Variants in RIMBP2 observed in about 807,000 individuals in gnomAD.
RIMBP2 encodes RIMS binding protein 2.
A neutral mutation model predicts 118.6 loss-of-function variants in RIMBP2; 48 were observed. That is an observed-to-expected ratio of 0.40 (90% CI 0.32 to 0.51). The LOEUF (loss-of-function observed/expected upper bound fraction) is 0.51. Ranked by LOEUF, RIMBP2 falls within the 20% of genes least tolerant of loss-of-function variation. The probability of loss-of-function intolerance (pLI) is 0.41; values close to 1 mark genes in which losing one functional copy is unlikely to be tolerated. For synonymous variants in RIMBP2, 762 were observed against 742.9 expected, an observed-to-expected ratio of 1.03 and a Z score of -0.42; for missense variants, 1,551 against 1,768.3, an observed-to-expected ratio of 0.88 and a Z score of 2.20.
At chr12:130,553,213 T>C (rs1376642198) in intron 2 of RIMBP2, among the ~76,000 whole-genome samples, 2 of 148,596 alleles carry the variant, frequency 1.3e-5, no homozygotes, top group African/African-American at 2.5e-5. Flanking sequence ...AGGGAAAACA[T>C]GGAGGAAAGG....
rs549822827 is a variant in RIMBP2 at position 130,558,692 on chromosome 12, G to A, written c.-216-40775C>T. Among the ~76,000 whole-genome samples the A allele has an allele frequency of 9.8e-5, 15 of 152,318 alleles. No individual in the cohort carries two copies. The East Asian group carries it at 2.7e-3, about 27-fold the overall frequency. ...CAGTCAGAGGCCAGGCGGCCCCCTT[G>A]AGAAGGGCTGGTCCCAGCAGCGCAT... On this transcript the variant is annotated intron_variant, in intron 2 of 22. Coordinates refer to ENST00000690449, the MANE Select transcript of RIMBP2 (RefSeq NM_001393629.1).
At chr12:130,554,174 C>T (rs894592796) in intron 2 of RIMBP2, among the ~76,000 whole-genome samples, 1 of 152,150 alleles carries the variant, frequency 6.6e-6, no homozygotes, top group Non-Finnish European at 1.5e-5. Flanking sequence ...ACAGGAATCC[C>T]GACTTCAATT....
At chr12:130,443,843 T>C (rs1004617980) in intron 10 of RIMBP2, among the ~76,000 whole-genome samples, 8 of 152,214 alleles carry the variant, frequency 5.3e-5, no homozygotes, top group Non-Finnish European at 1.2e-4. Context: ...TGATAGCTAC[T>C]ATTTATTGAA....
At chr12:130,690,780 A>C (rs1160657516) in intron 1 of RIMBP2, among the ~76,000 whole-genome samples, 2 of 152,204 alleles carry the variant, frequency 1.3e-5, no homozygotes, top group African/African-American at 4.8e-5. Context: ...ATGATTTCAC[A>C]CATCAGGAGC....
rs1333603266 is a variant in RIMBP2, at chr12:130,688,530, A to G, written c.-352+27692T>C. Among the ~76,000 whole-genome samples, 1 of 152,048 alleles carries G rather than the reference A, an allele frequency of 6.6e-6. No individual in the cohort carries two copies. The highest frequency in any genetic ancestry group is 2.4e-5 in the African/African-American group (1 of 41,356). ...CATGTGACCAAGAGCTCCCCCAAGCATGAGTCGTCTTCACCCCTCCATCCG... is the reference window on the plus strand; with the variant it reads ...CATGTGACCAAGAGCTCCCCCAAGCGTGAGTCGTCTTCACCCCTCCATCCG... On this transcript the variant is annotated intron_variant, in intron 1 of 22. Coordinates refer to ENST00000690449, the MANE Select transcript of RIMBP2 (RefSeq NM_001393629.1). The surrounding 1 kb of genome is among the most constrained non-coding windows in gnomAD (Gnocchi z 4.7).
chr12:130,453,116 CA>C (rs1404696472), intron 7 of RIMBP2, among the ~76,000 whole-genome samples: 1 of 152,222 alleles, frequency 6.6e-6, no homozygotes, highest in African/African-American at 2.4e-5. Flanking sequence ...ACCCAGCTCC[CA>C]TACTGGAAGG....
chr12:130,441,744 G>A (rs1191092555), intron 11 of RIMBP2, 104 bp downstream of exon 11: 1 of 995,842 alleles, frequency 1.0e-6, no homozygotes, highest in Non-Finnish European at 1.5e-6. Flanking sequence ...ATGTTGTCAG[G>A]ATGGGGATTC....
At chr12:130,548,288 CTAATTTCTCATCTT>C (rs1316604454) in intron 2 of RIMBP2, among the ~76,000 whole-genome samples, 1 of 152,162 alleles carries the variant, frequency 6.6e-6, no homozygotes, top group African/African-American at 2.4e-5. Flanking sequence ...CCGTATCTCT[CTAATTTCTCATCTT>C]CCCCTTTGCC....
chr12:130,423,490 C>A (rs936691346), intron 16 of RIMBP2, among the ~76,000 whole-genome samples: 1 of 151,960 alleles, frequency 6.6e-6, no homozygotes, highest in Non-Finnish European at 1.5e-5. Flanking sequence ...AAAGAGGACA[C>A]AATATAGAGA....
In RIMBP2 at chr12:130,622,014, A is replaced by G. The variant is rs758850804; in HGVS notation, c.-217+6308T>C. On this transcript the variant is annotated intron_variant, in intron 2 of 22. Coordinates refer to ENST00000690449, the MANE Select transcript of RIMBP2 (RefSeq NM_001393629.1). This position sits in a 1 kb window ranked among gnomAD's most constrained non-coding sequence, Gnocchi z 8.5. ...CTTTAAAAAATAATAACAGAACAAA[A>G]TGAAACCAACAAAATGGAATTTAAA... is the stretch of plus-strand genomic sequence containing the variant. 2.0e-5 allele frequency among the ~76,000 whole-genome samples: 3 copies of G among 152,234 alleles called. No individual in the cohort carries two copies. The highest frequency in any genetic ancestry group is 4.4e-5 in the Non-Finnish European group (3 of 68,028).
At chr12:130,611,339 C>G (rs1462274049) in intron 2 of RIMBP2, among the ~76,000 whole-genome samples, 1 of 152,260 alleles carries the variant, frequency 6.6e-6, no homozygotes, top group Non-Finnish European at 1.5e-5. Flanking sequence ...TGATTGACGT[C>G]CCTCCCGTAA....
chr12:130,641,712 G>T (rs1350951638), intron 1 of RIMBP2, among the ~76,000 whole-genome samples: 1 of 152,164 alleles, frequency 6.6e-6, no homozygotes, highest in African/African-American at 2.4e-5. Context: ...AGGTGGCCGT[G>T]CTGAGAGCAC....
At chr12:130,530,336 C>A (rs1353482468) in intron 2 of RIMBP2, among the ~76,000 whole-genome samples, 1 of 152,182 alleles carries the variant, frequency 6.6e-6, no homozygotes, top group African/African-American at 2.4e-5. Flanking sequence ...GAACTAAACC[C>A]CTGCACAAAA....
At chr12:130,654,282 T>G (rs2136291750) in intron 1 of RIMBP2, among the ~76,000 whole-genome samples, 1 of 152,336 alleles carries the variant, frequency 6.6e-6, no homozygotes, top group South Asian at 2.1e-4. Context: ...CTTGAATGCT[T>G]TGCTTCTTAG....
intron 21 of RIMBP2, among the ~76,000 whole-genome samples, chr12:130,400,815 C>T (rs1419714824): frequency 1.3e-5 from 2 of 152,164 alleles, no homozygotes; most frequent in Non-Finnish European, 2.9e-5. Flanking sequence ...ATTCAGGTGG[C>T]CAGCAGGCAC....
At chr12:130,478,845 C>A in intron 5 of RIMBP2, 67 bp downstream of exon 5, 1 of 1,219,546 alleles carries the variant, frequency 8.2e-7, no homozygotes, top group Non-Finnish European at 1.2e-6. Context: ...CTCCACCACA[C>A]CAGGGATCCC....
intron 2 of RIMBP2, among the ~76,000 whole-genome samples, chr12:130,618,943 C>T (rs1366137272): frequency 6.6e-6 from 1 of 152,108 alleles, no homozygotes; most frequent in Non-Finnish European, 1.5e-5. Context: ...TCTGTCCAGA[C>T]TTTCATCACA....
chr12:130,422,684 CTGAAAGG>C lies in RIMBP2; in HGVS notation c.3130-130_3130-124del, dbSNP rs1320451824. 1.5e-6 allele frequency: 1 copy of C among 685,810 alleles called. No individual in the cohort carries two copies. Among genetic ancestry groups the C allele is most frequent in the Non-Finnish European group, 2.5e-6 (1 of 397,424 alleles). 42.5% of individuals were successfully genotyped at this position (685,810 alleles called of 1,614,324 possible). A position where few individuals can be genotyped will look rare whatever the true frequency, so the allele number is the denominator to read the frequency against. ...AAAGGCAACTAAACTTAGCTTTTAA[CTGAAAGG>C]TTAGCTGAATGGCCTGGGAGAGAAC... On this transcript the variant is annotated intron_variant, in intron 16 of 22. Coordinates refer to ENST00000690449, the MANE Select transcript of RIMBP2 (RefSeq NM_001393629.1). The surrounding 1 kb of genome is among the most constrained non-coding windows in gnomAD (Gnocchi z 5.2).
At chr12:130,464,711 G>A (rs1357353886) in intron 6 of RIMBP2, among the ~76,000 whole-genome samples, 2 of 152,250 alleles carry the variant, frequency 1.3e-5, no homozygotes, top group African/African-American at 2.4e-5. Flanking sequence ...CACCCCCAGT[G>A]GGCAGTAGGA....
Sources: allele counts gnomAD v4.1 joint callset (sites outside exome capture counted in the v4.1 genomes callset), GRCh38; gene constraint gnomAD v4.1.1; non-coding constraint Gnocchi (gnomAD v3.1); transcripts MANE v1.5; gene names NCBI Gene and HGNC (gene_info 2026-07-23, HGNC 2026-07-21).